Variants in MAF observed in about 807,000 individuals in gnomAD.
MAF encodes the protein MAF bZIP transcription factor.
MAF carries 10 observed loss-of-function variants against 22.0 expected under a neutral mutation model. That is an observed-to-expected ratio of 0.45 (90% confidence interval 0.28 to 0.77). The LOEUF is 0.77. MAF is among the 30% of genes least tolerant of loss of function. MAF has a pLI of 0.12. For missense variants in MAF, 544 were observed against 548.4 expected, an observed-to-expected ratio of 0.99 and a Z score of 0.08; for synonymous variants, 337 against 255.8, an observed-to-expected ratio of 1.32 and a Z score of -3.03.
the MAF span, among the ~76,000 whole-genome samples, chr16:79,422,662 G>C: frequency 9.7e-4 from 148 of 152,186 alleles, 1 homozygote; most frequent in African/African-American, 3.5e-3. Flanking sequence ...CATTCCTTTG[G>C]GGGGCATATC....
the MAF span, among the ~76,000 whole-genome samples, chr16:79,309,675 G>T: frequency 1.6e-3 from 238 of 152,328 alleles, no homozygotes; most frequent in African/African-American, 5.6e-3. Context: ...GGGAACGGAT[G>T]TCGAGTTGTT....
chr16:79,587,987 G>C (rs573011370), intron 1 of MAF, among the ~76,000 whole-genome samples: 8 of 152,094 alleles, frequency 5.3e-5, no homozygotes, highest in African/African-American at 1.9e-4. Context: ...TGGGGGAAAA[G>C]GAGGTCTCAC....
chr16:79,307,397 C>T, the MAF span, among the ~76,000 whole-genome samples: 5 of 152,202 alleles, frequency 3.3e-5, no homozygotes, highest in Non-Finnish European at 7.3e-5. Flanking sequence ...TGGGCATGAG[C>T]TCACGGGCTG....
the MAF span, among the ~76,000 whole-genome samples, chr16:79,479,931 A>G: frequency 3.9e-5 from 6 of 152,296 alleles, no homozygotes; most frequent in South Asian, 4.1e-4. Flanking sequence ...CCACAGTCCT[A>G]CACTACTTCC....
chr16:79,334,058 T>A, the MAF span, among the ~76,000 whole-genome samples: 3 of 152,382 alleles, frequency 2.0e-5, no homozygotes, highest in Admixed American at 6.5e-5. Context: ...CAAACACAGA[T>A]AGGACAAGCA....
the MAF span, among the ~76,000 whole-genome samples, chr16:79,224,284 G>C: frequency 6.6e-6 from 1 of 152,182 alleles, no homozygotes; most frequent in Non-Finnish European, 1.5e-5. Context: ...AATAGATGCA[G>C]AAAAGGCCTT....
At chr16:79,339,036 G>A in the MAF span, among the ~76,000 whole-genome samples, 1 of 151,710 alleles carries the variant, frequency 6.6e-6, no homozygotes, top group Non-Finnish European at 1.5e-5. Context: ...CTGGGTCAAG[G>A]CTTTTTAATT....
the MAF span, among the ~76,000 whole-genome samples, chr16:79,292,304 T>C: frequency 9.2e-5 from 14 of 152,244 alleles, no homozygotes; most frequent in African/African-American, 3.1e-4. Flanking sequence ...GAAAAGGCCA[T>C]GTAATGATAG....
the MAF span, among the ~76,000 whole-genome samples, chr16:79,545,614 C>T: frequency 6.6e-6 from 1 of 152,072 alleles, no homozygotes; most frequent in East Asian, 1.9e-4. Context: ...CCCCACCCCC[C>T]CACAGAGGCA....
chr16:79,212,505 A>G, the MAF span: 1 of 194,514 alleles, frequency 5.1e-6, no homozygotes, highest in African/African-American at 2.3e-5. Context: ...GGAAGCGTAT[A>G]TACTTAAGAA....
At chr16:79,429,580 T>C in the MAF span, among the ~76,000 whole-genome samples, 1 of 152,136 alleles carries the variant, frequency 6.6e-6, no homozygotes, top group Non-Finnish European at 1.5e-5. Context: ...GGATTCGCTG[T>C]GCACGGTGAA....
the MAF span, among the ~76,000 whole-genome samples, chr16:79,468,441 G>C: frequency 6.6e-6 from 1 of 152,240 alleles, no homozygotes; most frequent in African/African-American, 2.4e-5. Context: ...TCTGGAGGGA[G>C]CCAAGTCCGT....
chr16:79,286,949 A>G, the MAF span, among the ~76,000 whole-genome samples: 1 of 152,182 alleles, frequency 6.6e-6, no homozygotes, highest in Non-Finnish European at 1.5e-5. Context: ...GCAAAAAACC[A>G]AAAAACAAAC....
the MAF span, among the ~76,000 whole-genome samples, chr16:79,334,169 C>G: frequency 6.6e-6 from 1 of 152,192 alleles, no homozygotes; most frequent in Non-Finnish European, 1.5e-5. Flanking sequence ...AGCTTTATTC[C>G]TAAAGCTGAG....
At chr16:79,492,591 G>A in the MAF span, among the ~76,000 whole-genome samples, 2 of 151,988 alleles carry the variant, frequency 1.3e-5, no homozygotes, top group African/African-American at 4.8e-5. Context: ...CTTTATAGCA[G>A]CACCTTACCA....
chr16:79,253,899 C>T, the MAF span, among the ~76,000 whole-genome samples: 1 of 152,066 alleles, frequency 6.6e-6, no homozygotes, highest in South Asian at 2.1e-4. Flanking sequence ...TCCTCCAGCC[C>T]CTACCTAAAT....
chr16:79,592,118 T>A (rs1796217973), downstream of MAF, among the ~76,000 whole-genome samples: 1 of 152,226 alleles, frequency 6.6e-6, no homozygotes, highest in African/African-American at 2.4e-5. Context: ...CTTGTTTCCC[T>A]CATTTCTCAC....
chr16:79,352,698 G>A, the MAF span, among the ~76,000 whole-genome samples: 1 of 152,140 alleles, frequency 6.6e-6, no homozygotes, highest in African/African-American at 2.4e-5. Context: ...AAACCAACAG[G>A]GCAGGGCTTC....
chr16:79,301,664 T>C, the MAF span, among the ~76,000 whole-genome samples: 1 of 152,216 alleles, frequency 6.6e-6, no homozygotes, highest in African/African-American at 2.4e-5. Flanking sequence ...CATATATGCA[T>C]GCATATAATG....
Sources: allele counts gnomAD v4.1 joint callset (sites outside exome capture counted in the v4.1 genomes callset), GRCh38; gene constraint gnomAD v4.1.1; transcripts MANE v1.5; gene names NCBI Gene and HGNC (gene_info 2026-07-23, HGNC 2026-07-21).